The following SOX5 variants were observed in gnomAD, a reference collection of about 807,000 sequenced individuals.
The protein encoded by SOX5 is SRY-box transcription factor 5, also known as transcription factor SOX-5.
SOX5 carries 9 observed loss-of-function variants against 92.0 expected under a neutral mutation model. The ratio of observed to expected loss-of-function variants is 0.10; its 90% CI spans 0.06 to 0.17. SOX5 has a LOEUF of 0.17. Ranked by LOEUF, SOX5 falls within the 10% of genes least tolerant of loss-of-function variation. The pLI is 1.00. For synonymous variants in SOX5, 344 were observed against 336.3 expected (o/e 1.02, Z -0.25); for missense variants, 642 against 944.5 (o/e 0.68, Z 4.20).
intron 4 of SOX5, among the ~76,000 whole-genome samples, chr12:23,998,832 G>A (rs1031628342): frequency 6.7e-6 from 1 of 148,978 alleles, no homozygotes; most frequent in Non-Finnish European, 1.5e-5. Flanking sequence ...AAAAGGGGGG[G>A]CGAAAAATTA....
At position 23,824,404 on chromosome 12, in the gene SOX5, G is replaced by A. The variant is rs1167338550; in HGVS notation, c.481+21579C>T. Among the ~76,000 whole-genome samples the A allele has an allele frequency of 2.0e-5, 3 of 152,182 alleles. No homozygotes were observed. In the East Asian group the frequency reaches 5.8e-4, roughly 29 times the overall value. On this transcript the variant is annotated intron_variant, in intron 3 of 14. Transcript: ENST00000451604. ...TTCTGCAGGTCTGCTGGAATTTGCTGGGGGTCCACTCCAGACCCTGTTTGC... is the reference window on the plus strand; with the variant it reads ...TTCTGCAGGTCTGCTGGAATTTGCTAGGGGTCCACTCCAGACCCTGTTTGC...
chr12:23,742,055 CT>C (rs754588314), intron 4 of SOX5, among the ~76,000 whole-genome samples: 2 of 152,106 alleles, frequency 1.3e-5, no homozygotes, highest in Admixed American at 6.6e-5. Context: ...ACAATTTTCA[CT>C]TCAAACATAA....
At chr12:23,718,465 T>A (rs901377606) in intron 6 of SOX5, among the ~76,000 whole-genome samples, 1 of 152,198 alleles carries the variant, frequency 6.6e-6, no homozygotes, top group Non-Finnish European at 1.5e-5. Context: ...GTTCATAATT[T>A]CAGGGACTTG....
chr12:23,571,456 T>C (rs1320481884), intron 10 of SOX5, among the ~76,000 whole-genome samples: 1 of 152,124 alleles, frequency 6.6e-6, no homozygotes, highest in Non-Finnish European at 1.5e-5. Flanking sequence ...AAAGTCTCAG[T>C]CAAAGGCTGT....
At chr12:23,750,068 T>C (rs2094135624) in intron 4 of SOX5, among the ~76,000 whole-genome samples, 1 of 151,812 alleles carries the variant, frequency 6.6e-6, no homozygotes, top group African/African-American at 2.4e-5. Flanking sequence ...TGTTCTCCAG[T>C]TTTAATTCTA....
chr12:24,010,787 A>C (rs1033810388), intron 4 of SOX5, among the ~76,000 whole-genome samples: 11 of 151,990 alleles, frequency 7.2e-5, no homozygotes, highest in Non-Finnish European at 1.6e-4. Flanking sequence ...ATACAAAAAA[A>C]AATTAGCCCG....
At chr12:24,396,620 G>A (rs1444279986) in intron 1 of SOX5, among the ~76,000 whole-genome samples, 8 of 151,616 alleles carry the variant, frequency 5.3e-5, no homozygotes, top group Non-Finnish European at 7.4e-5. Flanking sequence ...TTTTTAAGTC[G>A]TCCATTGACA....
At chr12:23,690,749 C>T (rs1484144376) in intron 6 of SOX5, among the ~76,000 whole-genome samples, 1 of 152,168 alleles carries the variant, frequency 6.6e-6, no homozygotes, top group Non-Finnish European at 1.5e-5. Context: ...TTGTGCCTTT[C>T]TAACAACTGA....
At chr12:24,490,137 C>A (rs1002554831) in intron 1 of SOX5, among the ~76,000 whole-genome samples, 4 of 152,214 alleles carry the variant, frequency 2.6e-5, no homozygotes, top group Admixed American at 1.3e-4. Context: ...TGACACAGAA[C>A]AGATGCTGCA....
intron 3 of SOX5, among the ~76,000 whole-genome samples, chr12:23,808,938 CAATTT>C (rs1329066175): frequency 6.6e-6 from 1 of 151,998 alleles, no homozygotes; most frequent in African/African-American, 2.4e-5. Flanking sequence ...ATTCTTTATT[CAATTT>C]AAATTATAAT....
intron 4 of SOX5, among the ~76,000 whole-genome samples, chr12:24,027,897 C>G (rs144220801): frequency 6.6e-6 from 1 of 152,056 alleles, no homozygotes; most frequent in African/African-American, 2.4e-5. Flanking sequence ...TCCCCTCACA[C>G]CACAAGTCCA....
chr12:24,402,744 G>T (rs1962042995), intron 1 of SOX5, among the ~76,000 whole-genome samples: 1 of 152,150 alleles, frequency 6.6e-6, no homozygotes, highest in South Asian at 2.1e-4. Context: ...TTAGAAATTT[G>T]TACTTTTGCA....
intron 4 of SOX5, among the ~76,000 whole-genome samples, chr12:23,743,476 A>AT (rs918747267): frequency 3.3e-5 from 5 of 151,606 alleles, no homozygotes; most frequent in South Asian, 2.1e-4. Flanking sequence ...TGCCTGGCTA[A>AT]TTTTTTTATA....
intron 3 of SOX5, among the ~76,000 whole-genome samples, chr12:23,815,494 G>A (rs955525197): frequency 2.6e-5 from 4 of 151,912 alleles, no homozygotes; most frequent in African/African-American, 9.7e-5. Flanking sequence ...TTCTTCTTTA[G>A]GTCCATATGT....
At chr12:23,871,125 G>C (rs918544629) in intron 2 of SOX5, among the ~76,000 whole-genome samples, 2 of 152,028 alleles carry the variant, frequency 1.3e-5, no homozygotes, top group African/African-American at 4.8e-5. Flanking sequence ...AAAATATTTA[G>C]AGAAGTTAAA....
In SOX5 at chr12:24,307,518, G is replaced by GGAAGGAAGGAAGTTAGTTTGTA; in HGVS notation, c.-173-30207_-173-30206insTACAAACTAACTTCCTTCCTTC. Reference sequence around the variant, plus strand: ...GGAAGGAAGGAAGGAAGGAAGGAAGGCCGGCCCCCCCACCCACCCACTCAC... The same window carrying GGAAGGAAGGAAGTTAGTTTGTA: ...GGAAGGAAGGAAGGAAGGAAGGAAGGGAAGGAAGGAAGTTAGTTTGTACCGGCCCCCCCACCCACCCACTCAC... On this transcript the variant is annotated intron_variant, in intron 2 of 4. Transcript: ENST00000446891. Among the ~76,000 whole-genome samples the GGAAGGAAGGAAGTTAGTTTGTA allele has an allele frequency of 8.5e-4, 22 of 25,952 alleles. 2 individuals are homozygous for GGAAGGAAGGAAGTTAGTTTGTA. Among genetic ancestry groups the GGAAGGAAGGAAGTTAGTTTGTA allele is most frequent in the East Asian group, 4.2e-3 (2 of 478 alleles). The allele number at this position is 25,952 out of a possible 152,430, so 17.0% of individuals were successfully genotyped here. A position where few individuals can be genotyped will look rare whatever the true frequency, so the allele number is the denominator to read the frequency against.
At chr12:23,743,513 T>C (rs2093874988) in intron 4 of SOX5, among the ~76,000 whole-genome samples, 1 of 152,078 alleles carries the variant, frequency 6.6e-6, no homozygotes, top group Non-Finnish European at 1.5e-5. Flanking sequence ...GATTTCACCA[T>C]GCTGGCCAGG....
intron 1 of SOX5, among the ~76,000 whole-genome samples, chr12:24,424,815 G>GGC (rs1555286330): frequency 2.0e-5 from 3 of 150,452 alleles, no homozygotes; most frequent in African/African-American, 2.4e-5. Context: ...TTTTGGGGGG[G>GGC]GGGGATGGCT....
intron 2 of SOX5, chr12:24,331,163 A>C (rs1233357094): frequency 1.3e-5 from 2 of 152,164 alleles, no homozygotes; most frequent in Non-Finnish European, 2.9e-5. Flanking sequence ...TTGCCAAAGA[A>C]ATTGTCCGAG....
Sources: allele counts gnomAD v4.1 joint callset (sites outside exome capture counted in the v4.1 genomes callset), GRCh38; gene constraint gnomAD v4.1.1; transcripts MANE v1.5; gene names NCBI Gene and HGNC (gene_info 2026-07-23, HGNC 2026-07-21).